SOX5: variants seen among roughly 807,000 people sequenced by gnomAD.
SOX5 encodes the protein transcription factor SOX-5.
Under a neutral mutation model 92.0 loss-of-function variants are expected in SOX5, and 9 were observed. The observed-to-expected ratio is 0.10, with a 90% CI of 0.06 to 0.17. The LOEUF is 0.17. SOX5 is among the 10% of genes least tolerant of loss of function. The pLI, the probability that SOX5 is intolerant of heterozygous loss-of-function variation, is 1.00. For missense variants in SOX5, 642 were observed against 944.5 expected (o/e 0.68, Z 4.20); for synonymous variants, 344 against 336.3 (o/e 1.02, Z -0.25).
At chr12:23,780,907 C>T (rs2095264904) in intron 3 of SOX5, among the ~76,000 whole-genome samples, 1 of 151,938 alleles carries the variant, frequency 6.6e-6, no homozygotes, top group Non-Finnish European at 1.5e-5. Context: ...AGGCTCTACT[C>T]TAGACATGAG....
intron 1 of SOX5, among the ~76,000 whole-genome samples, chr12:23,904,520 T>C (rs560086624): frequency 6.6e-6 from 1 of 152,294 alleles, no homozygotes; most frequent in East Asian, 1.9e-4. Flanking sequence ...ATCAACAAAA[T>C]TTACCATAAC....
intron 4 of SOX5, among the ~76,000 whole-genome samples, chr12:24,141,725 C>G (rs1950603579): frequency 6.6e-6 from 1 of 151,946 alleles, no homozygotes; most frequent in South Asian, 2.1e-4. Flanking sequence ...ACAAGTACAT[C>G]AATGTGCCTT....
chr12:24,463,075 T>G (rs1327189563), intron 1 of SOX5, among the ~76,000 whole-genome samples: 3 of 152,112 alleles, frequency 2.0e-5, no homozygotes, highest in African/African-American at 4.8e-5. Flanking sequence ...AAAAATTAGC[T>G]GGGCATGGTG....
At chr12:24,028,930 T>C (rs370786762) in intron 4 of SOX5, among the ~76,000 whole-genome samples, 1 of 152,032 alleles carries the variant, frequency 6.6e-6, no homozygotes, top group African/African-American at 2.4e-5. Flanking sequence ...AATACAAGAA[T>C]GTTGAGGATT....
chr12:23,988,292 A>T (rs1401031361), intron 4 of SOX5, among the ~76,000 whole-genome samples: 1 of 152,170 alleles, frequency 6.6e-6, no homozygotes. Context: ...GTCACCTAGG[A>T]CTAGTTAATC....
At chr12:24,148,492 AAAAAAAAAAAAAG>A (rs938821197) in intron 4 of SOX5, among the ~76,000 whole-genome samples, 2 of 141,026 alleles carry the variant, frequency 1.4e-5, no homozygotes, top group African/African-American at 2.6e-5. Flanking sequence ...AAAAAAAAAA[AAAAAAAAAAAAAG>A]AGAGAGAGAG....
chr12:24,026,847 T>C (rs981146758), intron 4 of SOX5, among the ~76,000 whole-genome samples: 3 of 151,958 alleles, frequency 2.0e-5, no homozygotes, highest in Non-Finnish European at 2.9e-5. Context: ...ATCGTGAATA[T>C]AAAATCTGAG....
intron 4 of SOX5, among the ~76,000 whole-genome samples, chr12:23,753,208 C>G (rs1429384629): frequency 6.6e-6 from 1 of 151,482 alleles, no homozygotes; most frequent in African/African-American, 2.4e-5. Context: ...TTCTCTAAAC[C>G]CTTCCAAGCT....
chr12:23,672,641 T>C (rs1201548095), intron 6 of SOX5, among the ~76,000 whole-genome samples: 2 of 152,096 alleles, frequency 1.3e-5, no homozygotes, highest in Non-Finnish European at 2.9e-5. Flanking sequence ...GCAACTGTCA[T>C]TTCTTTTTAA....
At chr12:24,280,463 C>T (rs1195046353) in intron 2 of SOX5, among the ~76,000 whole-genome samples, 1 of 152,066 alleles carries the variant, frequency 6.6e-6, no homozygotes, top group Non-Finnish European at 1.5e-5. Context: ...TCAAATATTA[C>T]ATAATATCAT....
intron 1 of SOX5, among the ~76,000 whole-genome samples, chr12:24,404,213 TAC>T (rs1302984000): frequency 6.6e-6 from 1 of 152,186 alleles, no homozygotes; most frequent in African/African-American, 2.4e-5. Flanking sequence ...GTTGTTTTAT[TAC>T]ACATTGTTTA....
At position 23,755,960 on chromosome 12, in the gene SOX5, T is replaced by C. The variant is rs891970916; in HGVS notation, c.482-236A>G. Reference sequence around the variant, plus strand: ...AAGCCATACTGATTCTTTATGACAATGGGTACACATAAACCTTGCGGTTCA... The same window carrying C: ...AAGCCATACTGATTCTTTATGACAACGGGTACACATAAACCTTGCGGTTCA... On this transcript the variant is annotated intron_variant, in intron 3 of 14. Transcript: ENST00000451604. 3.3e-5 allele frequency among the ~76,000 whole-genome samples: 5 copies of C among 151,860 alleles called. No individual in the cohort carries two copies. In the South Asian group the frequency reaches 1.0e-3, roughly 31 times the overall value.
intron 3 of SOX5, among the ~76,000 whole-genome samples, chr12:23,821,949 T>C (rs1354977966): frequency 1.3e-5 from 2 of 149,246 alleles, no homozygotes; most frequent in African/African-American, 4.9e-5. Context: ...ATATAGTTTG[T>C]ATTTCTGTGG....
intron 2 of SOX5, among the ~76,000 whole-genome samples, chr12:23,878,006 A>G (rs1168338824): frequency 1.3e-5 from 2 of 152,000 alleles, no homozygotes; most frequent in Non-Finnish European, 2.9e-5. Flanking sequence ...TTCTGCTTCT[A>G]AAGTTAAATA....
At chr12:24,392,713 C>A (rs924855573) in intron 1 of SOX5, among the ~76,000 whole-genome samples, 1 of 152,052 alleles carries the variant, frequency 6.6e-6, no homozygotes, top group African/African-American at 2.4e-5. Flanking sequence ...AGAGCAGGGA[C>A]TTTTGTTTTG....
chr12:24,036,060 T>A (rs145601419), intron 4 of SOX5, among the ~76,000 whole-genome samples: 5 of 152,226 alleles, frequency 3.3e-5, no homozygotes, highest in Non-Finnish European at 5.9e-5. Context: ...AAAATTCTTA[T>A]AAAAGGCTTT....
intron 4 of SOX5, among the ~76,000 whole-genome samples, chr12:24,208,637 T>G (rs1958267985): frequency 6.6e-6 from 1 of 152,154 alleles, no homozygotes; most frequent in African/African-American, 2.4e-5. Flanking sequence ...GTAGATCTTT[T>G]GCAGCCTTTA....
intron 1 of SOX5, among the ~76,000 whole-genome samples, chr12:23,905,288 TC>T (rs2097280182): frequency 6.6e-6 from 1 of 152,158 alleles, no homozygotes; most frequent in Admixed American, 6.5e-5. Flanking sequence ...GATTCAGAAA[TC>T]ACAATTCAGG....
chr12:24,204,033 C>T lies in SOX5; in HGVS notation c.-2+9310G>A, dbSNP rs573194997. ...AATGTCACTCCCTATCACCTCTTCA[C>T]TCTTGCTCCCTATTCCCATTCTCTC... On this transcript the variant is annotated intron_variant, in intron 4 of 4. Coordinates refer to the SOX5 transcript ENST00000446891. 2.1e-4 allele frequency among the ~76,000 whole-genome samples: 32 copies of T among 152,170 alleles called. No individual in the cohort carries two copies. The South Asian group carries it at 6.4e-3, about 31-fold the overall frequency.
Sources: allele counts gnomAD v4.1 joint callset (sites outside exome capture counted in the v4.1 genomes callset), GRCh38; gene constraint gnomAD v4.1.1; transcripts MANE v1.5; gene names NCBI Gene and HGNC (gene_info 2026-07-23, HGNC 2026-07-21).